Variants in ST7L observed in about 807,000 individuals in gnomAD.
The protein encoded by ST7L is suppression of tumorigenicity 7 like, also known as suppressor of tumorigenicity 7 protein-like.
A neutral mutation model predicts 72.5 loss-of-function variants in ST7L; 57 were observed. That is an observed-to-expected ratio of 0.79 (90% CI 0.64 to 0.98). The LOEUF is 0.98. Ranked by LOEUF, ST7L falls within the 50% of genes least tolerant of loss-of-function variation. ST7L has a pLI of 0.00. For missense variants in ST7L, 576 were observed against 672.2 expected (o/e 0.86, Z 1.58); for synonymous variants, 221 against 240.9 (o/e 0.92, Z 0.77).
chr1:112,569,596 A>G (rs373566351), intron 11 of ST7L, among the ~76,000 whole-genome samples: 1 of 152,256 alleles, frequency 6.6e-6, no homozygotes, highest in Non-Finnish European at 1.5e-5. Flanking sequence ...AACCTTGTGA[A>G]TATACTAAAA....
intron 13 of ST7L, 127 bp downstream of exon 13, chr1:112,550,474 G>T: frequency 1.6e-6 from 1 of 607,110 alleles, no homozygotes. Flanking sequence ...CATCCCAGAA[G>T]TGGCTAAAAT....
intron 4 of ST7L, among the ~76,000 whole-genome samples, chr1:112,598,447 G>GAA (rs1376387964): frequency 7.0e-5 from 8 of 114,114 alleles, no homozygotes; most frequent in Non-Finnish European, 5.6e-5. Flanking sequence ...GTCTTTACCA[G>GAA]AAAAAAAAAA....
intron 11 of ST7L, 48 bp from the exon 12 acceptor site, chr1:112,556,066 A>C: frequency 1.5e-6 from 2 of 1,326,052 alleles, no homozygotes; most frequent in Non-Finnish European, 2.0e-6. Flanking sequence ...GAAAAAAGAA[A>C]AATTAAATTG....
chr1:112,555,668 T>A (rs1236754011), intron 12 of ST7L, among the ~76,000 whole-genome samples, 200 bp downstream of exon 12: 1 of 152,232 alleles, frequency 6.6e-6, no homozygotes, highest in Non-Finnish European at 1.5e-5. Flanking sequence ...CATAACAATT[T>A]CTCATTCTGC....
chr1:112,535,073 G>A (rs1654961666), intron 14 of ST7L, among the ~76,000 whole-genome samples: 1 of 152,104 alleles, frequency 6.6e-6, no homozygotes, highest in Non-Finnish European at 1.5e-5. Context: ...ATACACATGC[G>A]TTAAACGGTA....
chr1:112,526,339 T>C (rs1012338132), intron 14 of ST7L: 17 of 455,926 alleles, frequency 3.7e-5, no homozygotes, highest in African/African-American at 2.9e-4. Flanking sequence ...ACTCCTTTTT[T>C]CCCCTTCAGA....
At chr1:112,520,478 C>T (rs1338549973), downstream of ST7L, 1 of 1,613,996 alleles carries the variant, frequency 6.2e-7, no homozygotes, top group East Asian at 2.2e-5. Context: ...TGCAAAGCCC[C>T]CAAGAAGGCA....
chr1:112,615,892 A>G (rs2101079497), intron 2 of ST7L, among the ~76,000 whole-genome samples: 2 of 152,172 alleles, frequency 1.3e-5, no homozygotes, highest in African/African-American at 4.8e-5. Flanking sequence ...GGCACATACC[A>G]CCATACCCAG....
intron 14 of ST7L, among the ~76,000 whole-genome samples, chr1:112,537,154 C>T (rs1312018101): frequency 1.3e-5 from 2 of 152,072 alleles, no homozygotes; most frequent in Non-Finnish European, 2.9e-5. Flanking sequence ...TACCACCACG[C>T]CCAGCTAATT....
chr1:112,555,736 C>T lies in ST7L; in HGVS notation c.1396+132G>A, dbSNP rs1659003680. On this transcript the variant is annotated intron_variant, in intron 12 of 14. Transcript: ENST00000358039. ...TACCAATAAACCAAATATCTCATCACTAATTTCCATTTGAAACCAATCTGA... is the reference window on the plus strand; with the variant it reads ...TACCAATAAACCAAATATCTCATCATTAATTTCCATTTGAAACCAATCTGA... 1.2e-5 allele frequency: 9 copies of T among 780,106 alleles called. No homozygotes were observed. In the South Asian group the frequency reaches 3.4e-4, roughly 30 times the overall value. 48.3% of individuals were successfully genotyped at this position (780,106 alleles called of 1,614,324 possible). A position where few individuals can be genotyped will look rare whatever the true frequency, so the allele number is the denominator to read the frequency against.
At chr1:112,543,303 A>C (rs756264426) in intron 13 of ST7L, among the ~76,000 whole-genome samples, 17 of 152,238 alleles carry the variant, frequency 1.1e-4, no homozygotes, top group Non-Finnish European at 2.2e-4. Context: ...TAATCCCAGC[A>C]CCTTGGGAGG....
intron 14 of ST7L, among the ~76,000 whole-genome samples, chr1:112,538,548 T>A (rs937371420): frequency 2.6e-5 from 4 of 152,182 alleles, no homozygotes; most frequent in African/African-American, 9.7e-5. Context: ...TTTCACCATG[T>A]TACCCGGGCT....
At chr1:112,593,120 T>A (rs1188419329) in intron 5 of ST7L, among the ~76,000 whole-genome samples, 1 of 152,160 alleles carries the variant, frequency 6.6e-6, no homozygotes, top group East Asian at 1.9e-4. Context: ...TTCATTTGTG[T>A]TTTTTTAAAT....
At chr1:112,574,473 C>A (rs1410688577) in intron 11 of ST7L, among the ~76,000 whole-genome samples, 5 of 151,696 alleles carry the variant, frequency 3.3e-5, no homozygotes, top group Admixed American at 3.3e-4. Context: ...TCCTGGCTAA[C>A]ACTGTGAAAC....
At chr1:112,585,566 T>TA (rs1183947900) in intron 6 of ST7L, among the ~76,000 whole-genome samples, 5 of 151,492 alleles carry the variant, frequency 3.3e-5, no homozygotes, top group Non-Finnish European at 5.9e-5. Context: ...CTGTCTCTAC[T>TA]AAAAAAAATA....
intron 9 of ST7L, 78 bp from the exon 10 acceptor site, chr1:112,578,495 G>A: frequency 7.7e-7 from 1 of 1,298,510 alleles, no homozygotes; most frequent in Non-Finnish European, 1.1e-6. Context: ...ATAATTCACG[G>A]CCAGGCATGG....
chr1:112,612,284 G>C (rs1379315883), intron 2 of ST7L, among the ~76,000 whole-genome samples: 2 of 151,990 alleles, frequency 1.3e-5, no homozygotes, highest in African/African-American at 4.8e-5. Flanking sequence ...TTTTTGTAGG[G>C]ACAAGGTTTT....
At chr1:112,577,875 C>T (rs1036604060) in intron 10 of ST7L, among the ~76,000 whole-genome samples, 1 of 152,136 alleles carries the variant, frequency 6.6e-6, no homozygotes, top group Non-Finnish European at 1.5e-5. Context: ...AGAGAATTCA[C>T]TAAGAGTAGC....
chr1:112,611,394 G>A (rs532966979), intron 2 of ST7L, among the ~76,000 whole-genome samples: 4 of 152,318 alleles, frequency 2.6e-5, no homozygotes, highest in Admixed American at 6.5e-5. Flanking sequence ...GCATGCCCAT[G>A]TTTTAACTCC....
Sources: gnomAD v4.1 joint callset for allele counts (sites outside exome capture counted in the v4.1 genomes callset) on GRCh38, gnomAD v4.1.1 for gene constraint, MANE v1.5 for transcripts, NCBI Gene and HGNC (gene_info 2026-07-23, HGNC 2026-07-21) for gene names.